Variants in CASZ1 observed in about 807,000 individuals in gnomAD.
CASZ1 encodes zinc finger protein castor homolog 1.
In CASZ1, 28 loss-of-function variants were observed where a neutral mutation model predicts 135.2. That is an observed-to-expected ratio of 0.21 (90% CI 0.15 to 0.28). CASZ1 has a LOEUF of 0.28. Among genes scored for constraint, CASZ1 ranks in the 10% least tolerant of loss-of-function variants. The pLI, the probability that CASZ1 is intolerant of heterozygous loss-of-function variation, is 1.00. For missense variants in CASZ1, 2,161 were observed against 2,453.3 expected, an observed-to-expected ratio of 0.88 and a Z score of 2.52; for synonymous variants, 1,068 against 1,073.4, an observed-to-expected ratio of 0.99 and a Z score of 0.10.
chr1:10,650,888 C>T (rs1039477727), intron 12 of CASZ1, 53 bp downstream of exon 12: 86 of 1,605,628 alleles, frequency 5.4e-5, no homozygotes, highest in Middle Eastern at 1.7e-4. Context: ...CCCGGGGCTC[C>T]AGCTCGAAGG....
rs761413823 is a variant in CASZ1 at position 10,726,351 on chromosome 1, G to A, written c.-76-20807C>T. 6.6e-6 allele frequency among the ~76,000 whole-genome samples: 1 copy of A among 152,272 alleles called. No individual in the cohort carries two copies. Among genetic ancestry groups the A allele is most frequent in the South Asian group, 2.1e-4 (1 of 4,826 alleles). ...CTTGGGGCTACTGACCAACAGCCAC[G>A]CTCTGGGATGCCGCCATCCTCAGCC... On this transcript the variant is annotated intron_variant, in intron 2 of 20. Transcript: ENST00000377022. This position sits in a 1 kb window ranked among gnomAD's most constrained non-coding sequence, Gnocchi z 5.7.
intron 3 of CASZ1, among the ~76,000 whole-genome samples, chr1:10,696,960 C>T (rs1270155803): frequency 6.6e-6 from 1 of 152,156 alleles, no homozygotes; most frequent in African/African-American, 2.4e-5. Context: ...GCGGAAGGGA[C>T]AGGACTCGAG....
Position 10,644,961 on chromosome 1 carries a change from T to C in CASZ1, c.3824A>G (p.Asn1275Ser), listed in dbSNP as rs757029100. The C allele has an allele frequency of 6.2e-6, 10 of 1,613,640 alleles. No homozygotes were observed. Among genetic ancestry groups the C allele is most frequent in the East Asian group, 2.2e-5 (1 of 44,894 alleles). The part of the protein sequence containing the change: ...KHEKAERRAA[N>S]GFKYFTKREE... Reference sequence around the variant, plus strand: ...GCGCTTGGTGAAGTATTTGAAGCCATTGGCTGCCCGCCGCTCCGCCTTCTC... The same window carrying C: ...GCGCTTGGTGAAGTATTTGAAGCCACTGGCTGCCCGCCGCTCCGCCTTCTC... The change falls in exon 18 of 21, where the codon AAT becomes AGT. Residue 1275 changes from asparagine (N) to serine (S), a missense_variant. Around this residue, in one of 7 missense-constraint regions of CASZ1, gnomAD observed 349 missense variants for 460.8 expected, o/e 0.76. Transcript: ENST00000377022.
At position 10,788,099 on chromosome 1, in the gene CASZ1, C is replaced by T. The variant is rs116261129; in HGVS notation, c.-234+8465G>A. Among the ~76,000 whole-genome samples the T allele has an allele frequency of 2.4e-3, 371 of 152,292 alleles. No individual in the cohort carries two copies. The highest frequency in any genetic ancestry group is 8.2e-3 in the African/African-American group (339 of 41,558). On this transcript the variant is annotated intron_variant, in intron 1 of 20. Transcript: ENST00000377022. This position sits in a 1 kb window ranked among gnomAD's most constrained non-coding sequence, Gnocchi z 4.1. ...AATCCCAGAGAACGTTAGCTGGATA[C>T]GGGGATGTTCTCATCCAGAACATCC...
intron 4 of CASZ1, among the ~76,000 whole-genome samples, chr1:10,686,598 G>T (rs1200708439): frequency 6.6e-6 from 1 of 152,200 alleles, no homozygotes; most frequent in Non-Finnish European, 1.5e-5. Context: ...TCAGCTCACT[G>T]CGCCCCTCCC....
chr1:10,779,279 A>T (rs1285936825), intron 1 of CASZ1, among the ~76,000 whole-genome samples: 3 of 125,258 alleles, frequency 2.4e-5, no homozygotes, highest in East Asian at 2.5e-4. Context: ...TAATTTTATA[A>T]TTTTTTTTTT....
At chr1:10,670,509 G>C (rs1417533610) in intron 4 of CASZ1, among the ~76,000 whole-genome samples, 1 of 152,212 alleles carries the variant, frequency 6.6e-6, no homozygotes, top group Admixed American at 6.5e-5. Flanking sequence ...CCAGTTTTGG[G>C]GTGCTGTGCT....
chr1:10,761,117 A>T (rs748828796), intron 1 of CASZ1, among the ~76,000 whole-genome samples: 2 of 152,282 alleles, frequency 1.3e-5, no homozygotes, highest in Non-Finnish European at 2.9e-5. Context: ...TAATAAAAGA[A>T]GCAAACAGGT....
chr1:10,763,924 G>A (rs553357537), intron 1 of CASZ1, among the ~76,000 whole-genome samples: 3 of 152,128 alleles, frequency 2.0e-5, no homozygotes, highest in East Asian at 1.9e-4. Flanking sequence ...GTGCAGTGGC[G>A]CAATCTCGGT....
At chr1:10,656,163 T>A (rs1033713043) in intron 8 of CASZ1, among the ~76,000 whole-genome samples, 2 of 152,096 alleles carry the variant, frequency 1.3e-5, no homozygotes, top group Non-Finnish European at 2.9e-5. Context: ...CAGGCTGGGA[T>A]CCCTGGCAAG....
chr1:10,658,593 A>G lies in CASZ1; in HGVS notation c.1341-17T>C, dbSNP rs748187470. On this transcript the variant is annotated splice_polypyrimidine_tract_variant and intron_variant, in intron 6 of 20. Transcript: ENST00000377022. ...AGTCCGTTCCTGGCAAGAGACACAC[A>G]GGGCACAGCCGGTGAGCAGATGGGG... The G allele has an allele frequency of 1.9e-6, 3 of 1,612,516 alleles. No homozygotes were observed. Among genetic ancestry groups the G allele is most frequent in the Non-Finnish European group, 2.5e-6 (3 of 1,178,596 alleles).
In CASZ1 at chr1:10,743,805, G is replaced by T. The variant is rs574582892; in HGVS notation, c.-77+16896C>A. On this transcript the variant is annotated intron_variant, in intron 2 of 20. Coordinates refer to ENST00000377022, the MANE Select transcript of CASZ1 (RefSeq NM_001079843.3). Reference sequence around the variant, plus strand: ...AGGCGGGATGGGAGATGTCTTTTAGGTACCCGATGAGCAGAGAGCAAGAAG... The same window carrying T: ...AGGCGGGATGGGAGATGTCTTTTAGTTACCCGATGAGCAGAGAGCAAGAAG... Among the ~76,000 whole-genome samples the T allele has an allele frequency of 4.2e-5, 6 of 144,318 alleles. No individual in the cohort carries two copies. In the South Asian group the frequency reaches 1.2e-3, roughly 29 times the overall value. 94.7% of individuals were successfully genotyped at this position (144,318 alleles called of 152,430 possible). A position where few individuals can be genotyped will look rare whatever the true frequency, so the allele number is the denominator to read the frequency against.
At chr1:10,685,778 C>T (rs1248163417) in intron 4 of CASZ1, among the ~76,000 whole-genome samples, 1 of 152,254 alleles carries the variant, frequency 6.6e-6, no homozygotes, top group Non-Finnish European at 1.5e-5. Context: ...CCAGTCAGCC[C>T]ACTGCCTCTG....
chr1:10,646,425 A>G lies in CASZ1; in HGVS notation c.3498-99T>C, dbSNP rs116476834. 0.011 allele frequency: 12,305 copies of G among 1,131,926 alleles called. 91 individuals are homozygous for G. The highest frequency in any genetic ancestry group is 0.014 in the Non-Finnish European group (10,628 of 772,614). 70.1% of individuals were successfully genotyped at this position (1,131,926 alleles called of 1,614,324 possible). On this transcript the variant is annotated intron_variant, in intron 16 of 20. Transcript: ENST00000377022. The surrounding 1 kb of genome is among the most constrained non-coding windows in gnomAD (Gnocchi z 6.4). ...TGTTGGAGTTCACTCCCCCACGACC[A>G]GCGGTACCACCAAGAGGGATGGCCT...
At chr1:10,792,322 C>CCCTCCCCT (rs1202935344) in intron 1 of CASZ1, among the ~76,000 whole-genome samples, 1 of 21,874 alleles carries the variant, frequency 4.6e-5, no homozygotes, top group African/African-American at 1.6e-4. Context: ...TTACCCCTCC[C>CCCTCCCCT]CCCCGCCCCC....
chr1:10,651,224 G>A (rs937641423), intron 11 of CASZ1, 148 bp from the exon 12 acceptor site: 51 of 505,276 alleles, frequency 1.0e-4, no homozygotes, highest in African/African-American at 5.6e-4. Context: ...GATCGCTCGC[G>A]ACGCTCGCTC....
At position 10,638,850 on chromosome 1, in the gene CASZ1, C is replaced by A; in HGVS notation, c.*92G>T. ...TCGGGGTCCGGAAGCACCGGCGGGG[C>A]GCGGGGCTCTGCCCAGGGGCCGCTT... On this transcript the variant is annotated 3_prime_UTR_variant, in exon 21 of 21. Coordinates refer to ENST00000377022, the MANE Select transcript of CASZ1 (RefSeq NM_001079843.3). The surrounding 1 kb of genome is among the most constrained non-coding windows in gnomAD (Gnocchi z 5.9). The A allele has an allele frequency of 1.0e-6, 1 of 970,822 alleles. No homozygotes were observed. The highest frequency in any genetic ancestry group is 1.2e-6 in the Non-Finnish European group (1 of 817,452). 60.1% of individuals were successfully genotyped at this position (970,822 alleles called of 1,614,324 possible).
chr1:10,760,444 C>T lies in CASZ1; in HGVS notation c.-77+257G>A, dbSNP rs2235700. Among the ~76,000 whole-genome samples the T allele has an allele frequency of 1.4e-3, 217 of 152,356 alleles. 7 individuals carry two copies. The East Asian group carries it at 0.037, about 26-fold the overall frequency. On this transcript the variant is annotated intron_variant, in intron 2 of 20. Transcript: ENST00000377022. ...CTCTTCATTTCACGGGTGGGGAAAC[C>T]GAGATCCAGAGAGTAAGTAGTGAGT...
intron 1 of CASZ1, among the ~76,000 whole-genome samples, chr1:10,795,528 G>T (rs1641048478): frequency 6.6e-6 from 1 of 151,710 alleles, no homozygotes; most frequent in African/African-American, 2.4e-5. Flanking sequence ...CCGCTAGCCC[G>T]CCAGCCCAGC....
Sources: allele counts gnomAD v4.1 joint callset (sites outside exome capture counted in the v4.1 genomes callset), GRCh38; gene constraint gnomAD v4.1.1; regional missense constraint gnomAD v4.1.1; non-coding constraint Gnocchi (gnomAD v3.1); transcripts MANE v1.5; gene names NCBI Gene and HGNC (gene_info 2026-07-23, HGNC 2026-07-21).